The following IL1RAP variants were observed in gnomAD, a reference collection of about 807,000 sequenced individuals.
The protein encoded by IL1RAP is interleukin-1 receptor accessory protein.
A neutral mutation model predicts 60.7 loss-of-function variants in IL1RAP; 35 were observed. That is an observed-to-expected ratio of 0.58 (90% CI 0.44 to 0.76). IL1RAP has a LOEUF of 0.76. IL1RAP is among the 30% of genes least tolerant of loss of function. The pLI is 0.00. For synonymous variants in IL1RAP, 268 were observed against 250.9 expected, an observed-to-expected ratio of 1.07 and a Z score of -0.64; for missense variants, 572 against 693.9, an observed-to-expected ratio of 0.82 and a Z score of 1.97.
intron 3 of IL1RAP, among the ~76,000 whole-genome samples, chr3:190,595,793 C>T (rs6444436): frequency 0.9 from 136,587 of 152,276 alleles, 61,504 homozygotes; most frequent in East Asian, 1. Flanking sequence ...TAAAATGTAG[C>T]ACAATATAAT....
intron 3 of IL1RAP, among the ~76,000 whole-genome samples, chr3:190,566,437 T>C (rs1210400639): frequency 2.6e-5 from 4 of 152,122 alleles, no homozygotes; most frequent in Admixed American, 2.6e-4. Context: ...TTCCCAGCAG[T>C]CCTGACCATG....
intron 3 of IL1RAP, among the ~76,000 whole-genome samples, chr3:190,576,334 A>G (rs1211982236): frequency 6.6e-6 from 1 of 152,074 alleles, no homozygotes; most frequent in East Asian, 1.9e-4. Context: ...GGGAAAACAT[A>G]TGGCAAAGGG....
At chr3:190,624,445 G>A (rs1560223374) in intron 7 of IL1RAP, 1 of 152,194 alleles carries the variant, frequency 6.6e-6, no homozygotes, top group African/African-American at 2.4e-5. Context: ...GCATGTGTGT[G>A]TGAGGGCCCT....
intron 3 of IL1RAP, among the ~76,000 whole-genome samples, chr3:190,588,259 A>G (rs1397373128): frequency 3.3e-5 from 5 of 152,148 alleles, no homozygotes; most frequent in East Asian, 3.9e-4. Flanking sequence ...GACTACAGGC[A>G]TGCGCCACCA....
intron 9 of IL1RAP, among the ~76,000 whole-genome samples, chr3:190,643,016 A>G (rs1733768648): frequency 6.6e-6 from 1 of 152,200 alleles, no homozygotes; most frequent in Non-Finnish European, 1.5e-5. Context: ...GTAAAATCTT[A>G]TATGTGGAAA....
intron 3 of IL1RAP, among the ~76,000 whole-genome samples, chr3:190,591,235 C>A (rs1453334054): frequency 6.6e-6 from 1 of 152,198 alleles, no homozygotes; most frequent in African/African-American, 2.4e-5. Context: ...ACCAGTGTTG[C>A]CTCATTTAAT....
intron 9 of IL1RAP, chr3:190,629,895 G>A: frequency 2.1e-6 from 2 of 968,250 alleles, no homozygotes; most frequent in Non-Finnish European, 2.5e-6. Flanking sequence ...TAGACTTCAA[G>A]AGTCATAAAA....
intron 3 of IL1RAP, among the ~76,000 whole-genome samples, chr3:190,580,582 G>A (rs1727908390): frequency 6.6e-6 from 1 of 152,146 alleles, no homozygotes; most frequent in African/African-American, 2.4e-5. Context: ...TTTACATGAG[G>A]AATCTAAAAT....
At chr3:190,565,433 A>G (rs1726300487) in intron 3 of IL1RAP, among the ~76,000 whole-genome samples, 1 of 152,186 alleles carries the variant, frequency 6.6e-6, no homozygotes, top group African/African-American at 2.4e-5. Flanking sequence ...TTTTCATATG[A>G]CATGGATTTG....
At chr3:190,612,102 T>G (rs1470918575) in intron 5 of IL1RAP, among the ~76,000 whole-genome samples, 2 of 152,210 alleles carry the variant, frequency 1.3e-5, no homozygotes, top group Non-Finnish European at 2.9e-5. Context: ...TAAAATTATA[T>G]GATGTCTGTG....
chr3:190,609,220 C>A, intron 5 of IL1RAP, 39 bp downstream of exon 5: 1 of 1,368,850 alleles, frequency 7.3e-7, no homozygotes, highest in Non-Finnish European at 1.0e-6. Flanking sequence ...TCTCTAATGG[C>A]TTATAAAATG....
At chr3:190,559,225 A>G (rs1407940107) in intron 2 of IL1RAP, among the ~76,000 whole-genome samples, 1 of 152,202 alleles carries the variant, frequency 6.6e-6, no homozygotes, top group Non-Finnish European at 1.5e-5. Context: ...CGTGATCACT[A>G]GTCATGTCCC....
At chr3:190,614,509 G>A (rs995838092) in intron 5 of IL1RAP, among the ~76,000 whole-genome samples, 10 of 152,000 alleles carry the variant, frequency 6.6e-5, no homozygotes, top group South Asian at 2.1e-4. Flanking sequence ...CTGAACACAC[G>A]TATTGTTCCA....
intron 1 of IL1RAP, among the ~76,000 whole-genome samples, chr3:190,540,857 C>T (rs576071525): frequency 6.6e-6 from 1 of 152,078 alleles, no homozygotes; most frequent in Non-Finnish European, 1.5e-5. Context: ...AGAAAGAACT[C>T]TCACTCTTTT....
At chr3:190,565,961 TCTC>T (rs1053106017) in intron 3 of IL1RAP, among the ~76,000 whole-genome samples, 10 of 151,976 alleles carry the variant, frequency 6.6e-5, no homozygotes, top group East Asian at 5.8e-4. Flanking sequence ...CTTTCTCTTC[TCTC>T]CTCCTCCTCC....
chr3:190,559,017 T>C (rs1035854779), intron 2 of IL1RAP, among the ~76,000 whole-genome samples: 3 of 152,212 alleles, frequency 2.0e-5, no homozygotes, highest in Non-Finnish European at 4.4e-5. Context: ...GTCAGCAGTA[T>C]TGTGTTCCTT....
chr3:190,649,209 A>G lies in IL1RAP; in HGVS notation c.*504A>G, dbSNP rs1734246991. On this transcript the variant is annotated 3_prime_UTR_variant, in exon 12 of 12. Transcript: ENST00000447382. ...TTTTTTCCTCATTCGGCTGTATAAT[A>G]CATAACCACAGCAAGACTGACATCC... The G allele has an allele frequency of 3.0e-6, 3 of 986,332 alleles. No individual in the cohort carries two copies. The African/African-American group carries it at 5.2e-5, about 17-fold the overall frequency. The allele number at this position is 986,332 out of a possible 1,614,324, so 61.1% of individuals were successfully genotyped here.
intron 3 of IL1RAP, among the ~76,000 whole-genome samples, chr3:190,595,352 T>G (rs1729289842): frequency 6.6e-6 from 1 of 152,234 alleles, no homozygotes; most frequent in Non-Finnish European, 1.5e-5. Flanking sequence ...GGGCTTCTGC[T>G]AATGTTTTAG....
exon 12 of IL1RAP, chr3:190,658,140 A>AC (rs1734676229): frequency 6.9e-6 from 1 of 145,276 alleles, no homozygotes; most frequent in Admixed American, 6.9e-5. Context: ...CATATTGTCC[A>AC]TTTTTTTCTA....
Sources: gnomAD v4.1 joint callset for allele counts (sites outside exome capture counted in the v4.1 genomes callset) on GRCh38, gnomAD v4.1.1 for gene constraint, MANE v1.5 for transcripts, NCBI Gene and HGNC (gene_info 2026-07-23, HGNC 2026-07-21) for gene names.